GPR19: variants seen among roughly 807,000 people sequenced by gnomAD.
GPR19 encodes probable G protein-coupled receptor 19.
GPR19 carries 14 observed loss-of-function variants against 28.5 expected under a neutral mutation model. That is an observed-to-expected ratio of 0.49 (90% confidence interval 0.32 to 0.77). The LOEUF (loss-of-function observed/expected upper bound fraction) is 0.77. GPR19 is among the 30% of genes least tolerant of loss of function. GPR19 has a pLI of 0.03. For missense variants in GPR19, 409 were observed against 504.1 expected, an observed-to-expected ratio of 0.81 and a Z score of 1.81; for synonymous variants, 173 against 184.1, an observed-to-expected ratio of 0.94 and a Z score of 0.49.
chr12:12,697,249 C>T (rs1331706775), upstream of GPR19, among the ~76,000 whole-genome samples: 1 of 133,880 alleles, frequency 7.5e-6, no homozygotes, highest in Non-Finnish European at 1.6e-5. Context: ...AGCCAACAAA[C>T]AAATTTTTGA....
chr12:12,712,570 T>C, the GPR19 span, among the ~76,000 whole-genome samples: 1 of 152,252 alleles, frequency 6.6e-6, no homozygotes, highest in East Asian at 1.9e-4. Context: ...ATTTTCTTAT[T>C]CTTCAAGATC....
intron 3 of GPR19, among the ~76,000 whole-genome samples, chr12:12,673,716 C>T (rs1363729986): frequency 6.6e-6 from 1 of 151,962 alleles, no homozygotes; most frequent in Non-Finnish European, 1.5e-5. Context: ...CATATGAATA[C>T]CAAAGAAAAT....
upstream of GPR19, among the ~76,000 whole-genome samples, chr12:12,697,954 A>G (rs77709342): frequency 1.2e-3 from 182 of 150,688 alleles, 1 homozygote; most frequent in African/African-American, 3.7e-3. Flanking sequence ...CATCATGAAG[A>G]AAAAAAAAAT....
At chr12:12,673,361 T>C (rs1329805678) in intron 3 of GPR19, among the ~76,000 whole-genome samples, 4 of 152,200 alleles carry the variant, frequency 2.6e-5, no homozygotes, top group Admixed American at 2.0e-4. Context: ...CATGAAGATG[T>C]CAGGGCACTG....
At chr12:12,671,740 C>G (rs1945857973) in intron 3 of GPR19, among the ~76,000 whole-genome samples, 1 of 152,184 alleles carries the variant, frequency 6.6e-6, no homozygotes. Context: ...TCTCCTATCA[C>G]ATTTGCCTCT....
chr12:12,661,384 G>A lies in GPR19; in HGVS notation c.1065C>T (p.Ser355=). ...AACTTGTTGTGATAGTATAGGCATT[G>A]CTTCGGTAACATTTCATAGAGGACA... is the stretch of plus-strand genomic sequence containing the variant. ...FCMSSMKCYR[S]NAYTITTSSR... is the part of the protein sequence containing the mutation. Residue 355 remains serine (S), a synonymous_variant, in exon 4 of 4, where the codon AGC becomes AGT. Transcript: ENST00000651487. This position sits in a 1 kb window ranked among gnomAD's most constrained non-coding sequence, Gnocchi z 4.2. 6.2e-7 allele frequency: 1 copy of A among 1,613,552 alleles called. No individual in the cohort carries two copies. The highest frequency in any genetic ancestry group is 8.5e-7 in the Non-Finnish European group (1 of 1,179,476).
chr12:12,712,707 A>G, the GPR19 span, among the ~76,000 whole-genome samples: 9 of 152,198 alleles, frequency 5.9e-5, no homozygotes, highest in African/African-American at 2.2e-4. Flanking sequence ...GTCTTGCTCT[A>G]TCACCCAGGC....
At chr12:12,713,282 C>T in the GPR19 span, among the ~76,000 whole-genome samples, 2 of 152,056 alleles carry the variant, frequency 1.3e-5, no homozygotes, top group South Asian at 4.2e-4. Flanking sequence ...CCAGGCTGGT[C>T]TTGAACTCCT....
chr12:12,688,185 G>T (rs906828213), intron 2 of GPR19, among the ~76,000 whole-genome samples: 10 of 152,072 alleles, frequency 6.6e-5, no homozygotes, highest in African/African-American at 2.4e-4. Context: ...GGGAGGGGGG[G>T]TCATCATCTT....
chr12:12,711,071 A>G, the GPR19 span, among the ~76,000 whole-genome samples: 1 of 152,130 alleles, frequency 6.6e-6, no homozygotes, highest in South Asian at 2.1e-4. Flanking sequence ...TGGGAGGCTG[A>G]GGCAGGCAGA....
intron 2 of GPR19, among the ~76,000 whole-genome samples, chr12:12,692,411 A>G (rs1048050434): frequency 1.3e-5 from 2 of 150,972 alleles, no homozygotes; most frequent in African/African-American, 4.9e-5. Context: ...AATATTAGCC[A>G]GGTTAATGGC....
chr12:12,704,484 A>G, the GPR19 span, among the ~76,000 whole-genome samples: 4 of 152,238 alleles, frequency 2.6e-5, no homozygotes, highest in Non-Finnish European at 5.9e-5. Context: ...CCTGGGCAAC[A>G]GAGCGAGACT....
intron 2 of GPR19, among the ~76,000 whole-genome samples, chr12:12,688,059 T>C (rs1946120122): frequency 6.6e-6 from 1 of 152,200 alleles, no homozygotes; most frequent in Non-Finnish European, 1.5e-5. Flanking sequence ...AATAATTGAC[T>C]CAGGAAAAGA....
chr12:12,666,642 T>C (rs1185068861), intron 3 of GPR19, among the ~76,000 whole-genome samples: 3 of 152,232 alleles, frequency 2.0e-5, no homozygotes, highest in African/African-American at 4.8e-5. Context: ...GGGGATGTTA[T>C]TCTTTTTCTC....
Position 12,661,126 on chromosome 12 carries a change from A to G in GPR19, c.*75T>C. 9.7e-7 allele frequency: 1 copy of G among 1,033,064 alleles called. No homozygotes were observed. The highest frequency in any genetic ancestry group is 2.9e-5 in the Admixed American group (1 of 34,636). 64.0% of individuals were successfully genotyped at this position (1,033,064 alleles called of 1,614,324 possible). A position where few individuals can be genotyped will look rare whatever the true frequency, so the allele number is the denominator to read the frequency against. ...TCCCTTGGAAAGTTGAGTGAAAACA[A>G]ATATGTAAATAGCTTCTGTTTTTAT... On this transcript the variant is annotated 3_prime_UTR_variant, in exon 4 of 4. Transcript: ENST00000651487. This position sits in a 1 kb window ranked among gnomAD's most constrained non-coding sequence, Gnocchi z 4.2.
chr12:12,697,298 C>T (rs912389503), upstream of GPR19, among the ~76,000 whole-genome samples: 2 of 151,512 alleles, frequency 1.3e-5, no homozygotes, highest in East Asian at 1.9e-4. Context: ...TTTCAGGTGG[C>T]TTAGAAGAGG....
intron 3 of GPR19, among the ~76,000 whole-genome samples, chr12:12,679,839 G>C (rs1424264758): frequency 6.6e-6 from 1 of 152,118 alleles, no homozygotes; most frequent in African/African-American, 2.4e-5. Context: ...TATTTTACAT[G>C]TTTGTGCTTA....
chr12:12,665,134 G>C (rs995348712), intron 3 of GPR19, among the ~76,000 whole-genome samples: 29 of 152,198 alleles, frequency 1.9e-4, no homozygotes, highest in Non-Finnish European at 7.4e-5. Flanking sequence ...ACAGAAAACT[G>C]TTCTAACTTT....
At chr12:12,667,386 G>C (rs1268634565) in intron 3 of GPR19, among the ~76,000 whole-genome samples, 1 of 152,114 alleles carries the variant, frequency 6.6e-6, no homozygotes, top group Non-Finnish European at 1.5e-5. Context: ...ATGGTAGATG[G>C]GTTGTCATAG....
Sources: allele counts gnomAD v4.1 joint callset (sites outside exome capture counted in the v4.1 genomes callset), GRCh38; gene constraint gnomAD v4.1.1; non-coding constraint Gnocchi (gnomAD v3.1); transcripts MANE v1.5; gene names NCBI Gene and HGNC (gene_info 2026-07-23, HGNC 2026-07-21).